Variants in FBXO28 observed in about 807,000 individuals in gnomAD.
The protein encoded by FBXO28 is F-box protein 28.
Under a neutral mutation model 38.1 loss-of-function variants are expected in FBXO28, and 8 were observed. That is an observed-to-expected ratio of 0.21 (90% CI 0.12 to 0.38). The LOEUF is 0.38. Ranked by LOEUF, FBXO28 falls within the 10% of genes least tolerant of loss-of-function variation. The probability of loss-of-function intolerance (pLI) is 1.00; values close to 1 mark genes in which losing one functional copy is unlikely to be tolerated. For missense variants in FBXO28, 345 were observed against 460.6 expected, an observed-to-expected ratio of 0.75 and a Z score of 2.30; for synonymous variants, 168 against 173.8, an observed-to-expected ratio of 0.97 and a Z score of 0.26.
At position 224,118,475 on chromosome 1, in the gene FBXO28, A is replaced by G. The variant is rs116796163; in HGVS notation, c.267+4079A>G. Among the ~76,000 whole-genome samples the G allele has an allele frequency of 4.8e-3, 736 of 152,306 alleles. 2 individuals carry two copies. Among genetic ancestry groups the G allele is most frequent in the African/African-American group, 8.0e-3 (331 of 41,558 alleles). The stretch of plus-strand genomic sequence containing the variant: ...AGTGGTTCAGAACATGAATTTGACT[A>G]AAGGTTAAGTTGAGAATTCTTGCCT... On this transcript the variant is annotated intron_variant, in intron 1 of 4. Transcript: ENST00000366862.
chr1:224,120,589 G>C (rs1325265757), intron 1 of FBXO28, among the ~76,000 whole-genome samples: 1 of 152,136 alleles, frequency 6.6e-6, no homozygotes, highest in South Asian at 2.1e-4. Context: ...AGGGCTGGGC[G>C]TGGTGGCTCA....
chr1:224,147,832 A>AT (rs1657547705), intron 3 of FBXO28, among the ~76,000 whole-genome samples: 1 of 107,064 alleles, frequency 9.3e-6, no homozygotes, highest in African/African-American at 3.8e-5. Flanking sequence ...TTTGCAAAAA[A>AT]AAAAAAAAAA....
At chr1:224,135,632 A>AAG (rs1657162508) in intron 3 of FBXO28, among the ~76,000 whole-genome samples, 2 of 121,050 alleles carry the variant, frequency 1.7e-5, no homozygotes, top group Non-Finnish European at 3.7e-5. Flanking sequence ...AAAAAAAAAA[A>AAG]AAAGAAAAAG....
At chr1:224,121,164 G>C (rs534396872) in intron 1 of FBXO28, among the ~76,000 whole-genome samples, 1 of 152,174 alleles carries the variant, frequency 6.6e-6, no homozygotes, top group East Asian at 1.9e-4. Context: ...TAGTGCATCA[G>C]GGTTCCTTTG....
chr1:224,155,252 G>A (rs999106300), intron 4 of FBXO28, among the ~76,000 whole-genome samples: 3 of 151,732 alleles, frequency 2.0e-5, no homozygotes, highest in East Asian at 2.0e-4. Context: ...TGCAACGTCC[G>A]CCTCCCAAGT....
At chr1:224,126,995 T>C (rs1435915116) in intron 1 of FBXO28, among the ~76,000 whole-genome samples, 3 of 152,098 alleles carry the variant, frequency 2.0e-5, no homozygotes, top group Non-Finnish European at 4.4e-5. Context: ...CTCATTCCTT[T>C]CTTTCCTTCA....
intron 3 of FBXO28, among the ~76,000 whole-genome samples, chr1:224,141,499 C>G (rs1479126757): frequency 1.3e-5 from 2 of 151,306 alleles, no homozygotes; most frequent in Non-Finnish European, 2.9e-5. Context: ...TGCAATCATG[C>G]GTCATTTAGC....
chr1:224,123,747 A>G (rs1334756908), intron 1 of FBXO28, among the ~76,000 whole-genome samples: 3 of 152,186 alleles, frequency 2.0e-5, no homozygotes, highest in Non-Finnish European at 4.4e-5. Context: ...CCACTGTCAA[A>G]TGTTTAAAAA....
intron 3 of FBXO28, among the ~76,000 whole-genome samples, chr1:224,148,727 A>G (rs910596359): frequency 9.2e-5 from 14 of 152,256 alleles, no homozygotes; most frequent in Middle Eastern, 3.4e-3. Flanking sequence ...ATAGTACTGC[A>G]TAACTACTGT....
intron 1 of FBXO28, 59 bp downstream of exon 1, chr1:224,114,455 G>GGAA (rs3066024): frequency 1.4e-6 from 2 of 1,399,354 alleles, no homozygotes; most frequent in African/African-American, 1.5e-5. Flanking sequence ...TGGGAGATGA[G>GGAA]AAGGGAGCGC....
chr1:224,130,898 A>G (rs1278730678), intron 2 of FBXO28: 6 of 201,672 alleles, frequency 3.0e-5, no homozygotes, highest in East Asian at 1.2e-4. Flanking sequence ...TATTAAAGCT[A>G]GTAAACCAGT....
In FBXO28 at chr1:224,160,374, T is replaced by C. The variant is rs556017862; in HGVS notation, c.*2628T>C. The C allele has an allele frequency of 6.6e-6, 1 of 152,334 alleles. No individual in the cohort carries two copies. Among genetic ancestry groups the C allele is most frequent in the South Asian group, 2.1e-4 (1 of 4,832 alleles). The allele number at this position is 152,334 out of a possible 1,614,324, so 9.4% of individuals were successfully genotyped here. A position where few individuals can be genotyped will look rare whatever the true frequency, so the allele number is the denominator to read the frequency against. Reference sequence around the variant, plus strand: ...TCTTAAAGTATTCCCGTTATCTTCCTTGGCTGTTTTTCAGAGGAGACGTCT... The same window carrying C: ...TCTTAAAGTATTCCCGTTATCTTCCCTGGCTGTTTTTCAGAGGAGACGTCT... On this transcript the variant is annotated 3_prime_UTR_variant, in exon 5 of 5. Transcript: ENST00000366862.
At chr1:224,135,684 C>G (rs1657164535) in intron 3 of FBXO28, among the ~76,000 whole-genome samples, 1 of 150,492 alleles carries the variant, frequency 6.6e-6, no homozygotes, top group Non-Finnish European at 1.5e-5. Flanking sequence ...GAAGAAGTCA[C>G]CAATTTCTGT....
chr1:224,150,397 T>C (rs1318036791), intron 3 of FBXO28, among the ~76,000 whole-genome samples: 1 of 152,190 alleles, frequency 6.6e-6, no homozygotes, highest in East Asian at 1.9e-4. Context: ...AAAACTACTA[T>C]GGGTCAATTA....
At chr1:224,125,423 CTCTTA>C (rs1261460808) in intron 1 of FBXO28, among the ~76,000 whole-genome samples, 2 of 151,918 alleles carry the variant, frequency 1.3e-5, no homozygotes, top group Admixed American at 1.3e-4. Context: ...AGGCCTTTTT[CTCTTA>C]TCTTTCACTT....
intron 3 of FBXO28, among the ~76,000 whole-genome samples, chr1:224,139,305 T>C (rs914555368): frequency 1.3e-5 from 2 of 151,892 alleles, no homozygotes; most frequent in African/African-American, 4.9e-5. Context: ...TTTTATTCTT[T>C]TTTTTGTGTG....
At position 224,159,731 on chromosome 1, in the gene FBXO28, C is replaced by T. The variant is rs11804144; in HGVS notation, c.*1985C>T. Reference sequence around the variant, plus strand: ...AGACTTTTTTTTTTACGTATCAAAGCATGTGTTTACAGATTTACAGAGTGT... The same window carrying T: ...AGACTTTTTTTTTTACGTATCAAAGTATGTGTTTACAGATTTACAGAGTGT... On this transcript the variant is annotated 3_prime_UTR_variant, in exon 5 of 5. Transcript: ENST00000366862. 0.99 allele frequency: 150,250 copies of T among 152,276 alleles called. 74,154 individuals carry two copies. The highest frequency in any genetic ancestry group is 1 in the Middle Eastern group (294 of 294). The allele number at this position is 152,276 out of a possible 1,614,324, so 9.4% of individuals were successfully genotyped here. A position where few individuals can be genotyped will look rare whatever the true frequency, so the allele number is the denominator to read the frequency against.
intron 1 of FBXO28, among the ~76,000 whole-genome samples, chr1:224,129,983 C>A (rs1338801277): frequency 6.9e-6 from 1 of 144,714 alleles, no homozygotes; most frequent in African/African-American, 2.6e-5. Flanking sequence ...GGGTGAGACT[C>A]CATCTCAAAA....
Position 224,158,178 on chromosome 1 carries a change from T to G in FBXO28, c.*432T>G, listed in dbSNP as rs1406589921. 2.0e-6 allele frequency: 2 copies of G among 987,912 alleles called. No individual in the cohort carries two copies. Among genetic ancestry groups the G allele is most frequent in the Admixed American group, 6.1e-5 (1 of 16,440 alleles). The allele number at this position is 987,912 out of a possible 1,614,324, so 61.2% of individuals were successfully genotyped here. ...ATGGACACTATCTTGGTTCTTTTTT[T>G]TTTAAGTCATCTTTTTGTTATAAGT... On this transcript the variant is annotated 3_prime_UTR_variant, in exon 5 of 5. Transcript: ENST00000366862.
Sources: allele counts gnomAD v4.1 joint callset (sites outside exome capture counted in the v4.1 genomes callset), GRCh38; gene constraint gnomAD v4.1.1; transcripts MANE v1.5; gene names NCBI Gene and HGNC (gene_info 2026-07-23, HGNC 2026-07-21).